KCNG2: variants seen among roughly 807,000 people sequenced by gnomAD.
The protein encoded by KCNG2 is potassium voltage-gated channel modifier subfamily G member 2.
A neutral mutation model predicts 12.3 loss-of-function variants in KCNG2; 7 were observed. That is an observed-to-expected ratio of 0.57 (90% CI 0.32 to 1.07). The LOEUF is 1.07. KCNG2 is among the 50% of genes least tolerant of loss of function. KCNG2 has a pLI of 0.04. For synonymous variants in KCNG2, 414 were observed against 351.4 expected, an observed-to-expected ratio of 1.18 and a Z score of -1.99; for missense variants, 703 against 726.0, an observed-to-expected ratio of 0.97 and a Z score of 0.36.
chr18:79,798,633 T>A (rs371225369), intron 1 of KCNG2, among the ~76,000 whole-genome samples: 1 of 152,076 alleles, frequency 6.6e-6, no homozygotes, highest in Non-Finnish European at 1.5e-5. Flanking sequence ...GCGGCCCGAA[T>A]TGGGGGAGAG....
intron 1 of KCNG2, among the ~76,000 whole-genome samples, chr18:79,854,438 G>A (rs1165480034): frequency 2.0e-5 from 3 of 152,074 alleles, no homozygotes; most frequent in Non-Finnish European, 2.9e-5. Flanking sequence ...AGGGGTGCAC[G>A]ATTCCTCATC....
intron 3 of KCNG2, among the ~76,000 whole-genome samples, chr18:79,873,433 C>A (rs913992101): frequency 1.3e-4 from 19 of 144,728 alleles, no homozygotes; most frequent in African/African-American, 4.6e-4. Flanking sequence ...CCCTCCCCCC[C>A]CCCCAGCCAC....
At chr18:79,825,139 G>C (rs1341415373) in intron 1 of KCNG2, among the ~76,000 whole-genome samples, 1 of 152,200 alleles carries the variant, frequency 6.6e-6, no homozygotes, top group East Asian at 1.9e-4. Flanking sequence ...AATGGAAATG[G>C]GTCTGCTGAA....
chr18:79,807,819 C>A (rs1261082766), intron 1 of KCNG2, among the ~76,000 whole-genome samples: 2 of 144,154 alleles, frequency 1.4e-5, no homozygotes, highest in Admixed American at 1.4e-4. Flanking sequence ...GGCCCAGAGT[C>A]CGCGCTCTGA....
At chr18:79,833,190 C>T (rs1978305810) in intron 1 of KCNG2, among the ~76,000 whole-genome samples, 1 of 152,020 alleles carries the variant, frequency 6.6e-6, no homozygotes, top group Non-Finnish European at 1.5e-5. Flanking sequence ...GGCTGGGGTG[C>T]AGTGGTGCGA....
intron 1 of KCNG2, among the ~76,000 whole-genome samples, chr18:79,833,882 G>C (rs1054968633): frequency 2.0e-5 from 3 of 152,218 alleles, no homozygotes; most frequent in African/African-American, 7.2e-5. Context: ...AGTGCGCCGG[G>C]AAGAGAAAGG....
chr18:79,875,294 C>T (rs1265399840), intron 3 of KCNG2, among the ~76,000 whole-genome samples: 1 of 152,168 alleles, frequency 6.6e-6, no homozygotes, highest in Admixed American at 6.5e-5. Flanking sequence ...CAAATCTGAA[C>T]AGGCGGTCCT....
chr18:79,855,472 C>T (rs1320371924), intron 1 of KCNG2, among the ~76,000 whole-genome samples: 2 of 152,112 alleles, frequency 1.3e-5, no homozygotes, highest in African/African-American at 4.8e-5. Flanking sequence ...TGGTTCTCTG[C>T]TTGGTTCTGT....
chr18:79,832,208 C>T (rs1456868476), intron 1 of KCNG2, among the ~76,000 whole-genome samples: 1 of 150,576 alleles, frequency 6.6e-6, no homozygotes, highest in Non-Finnish European at 1.5e-5. Context: ...CCTTCCTCAC[C>T]TGCCCTTCCT....
At chr18:79,873,434 C>CCCCCCCCA (rs1979938952) in intron 3 of KCNG2, among the ~76,000 whole-genome samples, 1 of 145,082 alleles carries the variant, frequency 6.9e-6, no homozygotes, top group Admixed American at 6.8e-5. Flanking sequence ...CCTCCCCCCC[C>CCCCCCCCA]CCCAGCCACC....
intron 3 of KCNG2, among the ~76,000 whole-genome samples, chr18:79,885,862 G>T (rs1238164458): frequency 1.0e-5 from 1 of 96,826 alleles, no homozygotes; most frequent in Non-Finnish European, 2.3e-5. Flanking sequence ...ATGGGGATGG[G>T]AACATAGGGA....
At chr18:79,810,501 A>G (rs1274875427) in intron 1 of KCNG2, among the ~76,000 whole-genome samples, 3 of 152,238 alleles carry the variant, frequency 2.0e-5, no homozygotes, top group Non-Finnish European at 4.4e-5. Context: ...AGCCAGATGC[A>G]GTGGCTCATG....
intron 1 of KCNG2, among the ~76,000 whole-genome samples, chr18:79,821,794 G>A (rs956858046): frequency 6.6e-6 from 1 of 152,194 alleles, no homozygotes; most frequent in Non-Finnish European, 1.5e-5. Context: ...TGCCCTGTCT[G>A]TCCACAGGCC....
chr18:79,858,353 C>G (rs1326182044), intron 2 of KCNG2, among the ~76,000 whole-genome samples: 2 of 152,202 alleles, frequency 1.3e-5, no homozygotes, highest in African/African-American at 2.4e-5. Flanking sequence ...TTCTGCCTGG[C>G]TTCTTTCTCT....
At chr18:79,890,057 T>A (rs1304089874) in intron 3 of KCNG2, among the ~76,000 whole-genome samples, 1 of 152,248 alleles carries the variant, frequency 6.6e-6, no homozygotes, top group African/African-American at 2.4e-5. Context: ...CCTTGCATCC[T>A]TGGGATAAAT....
rs118030318 is a variant in KCNG2, at chr18:79,890,533, A to G, written c.625-8507A>G. Among the ~76,000 whole-genome samples, 12 of 152,212 alleles carry G rather than the reference A, an allele frequency of 7.9e-5. No homozygotes were observed. The East Asian group carries it at 2.1e-3, about 27-fold the overall frequency. ...CCATCTTTATGTCCATGAGCACCCA[A>G]CGTTTAGCTCGCACTTACGAGTGAG... On this transcript the variant is annotated intron_variant, in intron 3 of 3. Transcript: ENST00000316249.
rs946840088 is a variant in KCNG2 at position 79,800,657 on chromosome 18, C to T, written c.-115+2643C>T. On this transcript the variant is annotated intron_variant, in intron 1 of 3. Transcript: ENST00000316249. This position sits in a 1 kb window ranked among gnomAD's most constrained non-coding sequence, Gnocchi z 4.0. ...TGGCTCCTTCACAGCCGCGGCTTTCCGGCAGGAGCCTCAGCAGTTCCTTCC... is the reference window on the plus strand; with the variant it reads ...TGGCTCCTTCACAGCCGCGGCTTTCTGGCAGGAGCCTCAGCAGTTCCTTCC... 6.6e-5 allele frequency among the ~76,000 whole-genome samples: 10 copies of T among 152,198 alleles called. No individual in the cohort carries two copies. Among genetic ancestry groups the T allele is most frequent in the African/African-American group, 2.4e-4 (10 of 41,454 alleles).
intron 3 of KCNG2, among the ~76,000 whole-genome samples, chr18:79,890,187 T>G (rs1223001533): frequency 6.6e-6 from 1 of 152,188 alleles, no homozygotes; most frequent in African/African-American, 2.4e-5. Context: ...TTCATCTGGT[T>G]TTTGTATCAG....
chr18:79,819,661 G>A (rs1242238013), intron 1 of KCNG2, among the ~76,000 whole-genome samples: 4 of 152,354 alleles, frequency 2.6e-5, no homozygotes, highest in East Asian at 1.9e-4. Context: ...AATAGAGGCC[G>A]TCCACCTCCC....
Sources: gnomAD v4.1 joint callset for allele counts (sites outside exome capture counted in the v4.1 genomes callset) on GRCh38, gnomAD v4.1.1 for gene constraint, Gnocchi (gnomAD v3.1) non-coding constraint, MANE v1.5 for transcripts, NCBI Gene and HGNC (gene_info 2026-07-23, HGNC 2026-07-21) for gene names.